MYO3B: variants seen among roughly 807,000 people sequenced by gnomAD.
The protein encoded by MYO3B is myosin-IIIb.
In MYO3B, 156 loss-of-function variants were observed where a neutral mutation model predicts 174.6. That is an observed-to-expected ratio of 0.89 (90% confidence interval 0.78 to 1.02). The LOEUF (loss-of-function observed/expected upper bound fraction) is 1.02, where lower values mean the gene tolerates loss of function less well. MYO3B is among the 50% of genes least tolerant of loss of function. The pLI is 0.00. For missense variants in MYO3B, 1,632 were observed against 1,639.4 expected (o/e 1.00, Z 0.08); for synonymous variants, 563 against 569.1 (o/e 0.99, Z 0.15).
Position 170,653,345 on chromosome 2 carries a change from C to T in MYO3B, c.*224C>T. 1 of 560,360 alleles carries T rather than the reference C, an allele frequency of 1.8e-6. No homozygotes were observed. The highest frequency in any genetic ancestry group is 3.1e-6 in the Non-Finnish European group (1 of 318,416). 34.7% of individuals were successfully genotyped at this position (560,360 alleles called of 1,614,324 possible). Reference sequence around the variant, plus strand: ...TGAGCTGGGCGCTGCCTTCCTTTCTCATCCCATGGGGCCCTGTGGGACACT... The same window carrying T: ...TGAGCTGGGCGCTGCCTTCCTTTCTTATCCCATGGGGCCCTGTGGGACACT... On this transcript the variant is annotated 3_prime_UTR_variant, in exon 35 of 35. Transcript: ENST00000408978.
chr2:170,241,609 G>T (rs988085527), intron 7 of MYO3B, among the ~76,000 whole-genome samples: 16 of 152,182 alleles, frequency 1.1e-4, no homozygotes, highest in Non-Finnish European at 1.6e-4. Flanking sequence ...AACGGAGAGA[G>T]TTTGGATAAC....
chr2:170,192,572 TTTA>T (rs1209139672), intron 1 of MYO3B, among the ~76,000 whole-genome samples: 2 of 151,290 alleles, frequency 1.3e-5, no homozygotes, highest in Admixed American at 6.6e-5. Flanking sequence ...AATTTCTGCT[TTTA>T]TTTTTTCTTC....
intron 32 of MYO3B, among the ~76,000 whole-genome samples, chr2:170,590,980 A>T (rs1345283754): frequency 6.6e-6 from 1 of 152,168 alleles, no homozygotes; most frequent in Admixed American, 6.5e-5. Context: ...GAGGCCACAG[A>T]CTTCTGCTAA....
At chr2:170,313,108 T>C (rs1559379388) in intron 7 of MYO3B, among the ~76,000 whole-genome samples, 1 of 152,232 alleles carries the variant, frequency 6.6e-6, no homozygotes, top group Non-Finnish European at 1.5e-5. Context: ...TCTAAATTTG[T>C]GATTTTTTTG....
intron 32 of MYO3B, chr2:170,601,514 G>A: frequency 1.2e-6 from 1 of 839,684 alleles, no homozygotes; most frequent in Non-Finnish European, 1.8e-6. Context: ...ATCTTACACA[G>A]CCTTACATTT....
At chr2:170,211,525 G>A (rs959341715) in intron 3 of MYO3B, among the ~76,000 whole-genome samples, 3 of 151,822 alleles carry the variant, frequency 2.0e-5, no homozygotes, top group Non-Finnish European at 4.4e-5. Context: ...TTTTCGAAGG[G>A]GATAAGGGTA....
At chr2:170,278,946 T>C (rs1233650531) in intron 7 of MYO3B, among the ~76,000 whole-genome samples, 1 of 152,202 alleles carries the variant, frequency 6.6e-6, no homozygotes, top group African/African-American at 2.4e-5. Flanking sequence ...CTACTGCAAG[T>C]GACAGGATTT....
chr2:170,226,194 C>T (rs1301978610), intron 6 of MYO3B, among the ~76,000 whole-genome samples: 4 of 152,094 alleles, frequency 2.6e-5, no homozygotes, highest in East Asian at 1.9e-4. Flanking sequence ...CCCTGTCTGC[C>T]GGTCATATCA....
chr2:170,329,651 C>T (rs2093897870), intron 7 of MYO3B, among the ~76,000 whole-genome samples: 1 of 151,856 alleles, frequency 6.6e-6, no homozygotes, highest in African/African-American at 2.4e-5. Flanking sequence ...GCCTTGGCCT[C>T]CCAAAGTGCT....
chr2:170,296,220 C>G (rs1446177517), intron 7 of MYO3B, among the ~76,000 whole-genome samples: 1 of 152,150 alleles, frequency 6.6e-6, no homozygotes, highest in African/African-American at 2.4e-5. Context: ...GGATCATGCG[C>G]TGAGAGAGCT....
intron 25 of MYO3B, among the ~76,000 whole-genome samples, chr2:170,488,721 A>G (rs1191606916): frequency 6.6e-6 from 1 of 152,212 alleles, no homozygotes; most frequent in Non-Finnish European, 1.5e-5. Context: ...CAGGCTGGAC[A>G]GAATTTACAT....
intron 16 of MYO3B, 120 bp from the exon 17 acceptor site, chr2:170,400,068 G>A: frequency 1.5e-6 from 2 of 1,326,596 alleles, no homozygotes; most frequent in South Asian, 1.4e-5. Context: ...TTTGCTGTGT[G>A]TCCAGGAAAA....
In MYO3B at chr2:170,514,959, G is replaced by T; in HGVS notation, c.3409G>T (p.Val1137Phe). Residue 1137 changes from valine (V) to phenylalanine (F), a missense_variant, in exon 29 of 35, where the codon GTC becomes TTC. By Grantham distance (50) the Val-to-Phe change is conservative. Coordinates refer to ENST00000408978, the MANE Select transcript of MYO3B (RefSeq NM_138995.5). The part of the protein sequence containing the change: ...SNQSSGPHSP[V>F]AAGTRGSAEV... ...CCAAAGCAGTGGGCCACATTCCCCC[G>T]TCGCAGCAGGTACGAGGGGAAGTGC... 2.5e-6 allele frequency: 4 copies of T among 1,613,788 alleles called. No homozygotes were observed. Among genetic ancestry groups the T allele is most frequent in the Non-Finnish European group, 3.4e-6 (4 of 1,179,838 alleles).
rs762771307 is a variant in MYO3B at position 170,400,234 on chromosome 2, GGAACATTGA to G, written c.1840_1848del (p.Asn614_Glu616del). On this transcript the variant is annotated inframe_deletion, in exon 17 of 35. Coordinates refer to ENST00000408978, the MANE Select transcript of MYO3B (RefSeq NM_138995.5). ...ATTTTGGCTGGGATTTTGAATATTG[GGAACATTGA>G]GTTCGCAGCTATTTCCTCTCAACAT... The G allele has an allele frequency of 2.6e-5, 42 of 1,613,728 alleles. No homozygotes were observed. The highest frequency in any genetic ancestry group is 2.8e-5 in the Non-Finnish European group (33 of 1,179,960).
chr2:170,236,122 C>T lies in MYO3B; in HGVS notation c.735C>T (p.Leu245=). ...PLFDMHPVKT[L]FKIPRNPPPT... ...TTGACATGCATCCTGTGAAAACACT[C>T]TTTAAGATTCCAAGGTAAGACACAA... The change falls in exon 7 of 35, where the codon CTC becomes CTT. Residue 245 remains leucine, a synonymous_variant. Transcript: ENST00000408978. The T allele has an allele frequency of 1.2e-6, 2 of 1,614,180 alleles. No individual in the cohort carries two copies. Among genetic ancestry groups the T allele is most frequent in the Non-Finnish European group, 1.7e-6 (2 of 1,180,030 alleles).
chr2:170,391,807 A>G (rs2094413836), intron 15 of MYO3B, among the ~76,000 whole-genome samples, 189 bp downstream of exon 15: 1 of 152,124 alleles, frequency 6.6e-6, no homozygotes, highest in South Asian at 2.1e-4. Context: ...TCAACTGCAC[A>G]TGGTTTATTT....
rs549453360 is a variant in MYO3B at position 170,249,207 on chromosome 2, C to G, written c.749+13071C>G. Among the ~76,000 whole-genome samples the G allele has an allele frequency of 1.1e-4, 16 of 152,360 alleles. No individual in the cohort carries two copies. In the South Asian group the frequency reaches 3.3e-3, roughly 32 times the overall value. ...ATTCTCTGCCACTTAGGTCCCTGAG[C>G]AACTCTGCTTGTGGCCAGAGCCTCA... is the stretch of plus-strand genomic sequence containing the variant. On this transcript the variant is annotated intron_variant, in intron 7 of 34. Transcript: ENST00000408978.
At chr2:170,438,440 TACTC>T (rs886123674) in intron 22 of MYO3B, among the ~76,000 whole-genome samples, 2 of 152,150 alleles carry the variant, frequency 1.3e-5, no homozygotes, top group Non-Finnish European at 2.9e-5. Context: ...TTTAGGTAAA[TACTC>T]AGAAGAGGGA....
chr2:170,401,646 T>C lies in MYO3B; in HGVS notation c.2084T>C (p.Ile695Thr). 6.2e-7 allele frequency: 1 copy of C among 1,614,058 alleles called. No individual in the cohort carries two copies. Among genetic ancestry groups the C allele is most frequent in the Non-Finnish European group, 8.5e-7 (1 of 1,180,018 alleles). The change falls in exon 18 of 35, where the codon ATT (isoleucine) becomes ACT (threonine). Residue 695 changes from isoleucine (I) to threonine (T), a missense_variant. Physicochemically the swap from Ile to Thr is moderately conservative, Grantham distance 89 (BLOSUM62 -1). Transcript: ENST00000408978. ...CTGTATGGGAGGCTCTTCAGCTGGA[T>C]TGTGAATCGCATTAATACACTCCTG... is the stretch of plus-strand genomic sequence containing the variant. Reference protein sequence around the residue: ...KALYGRLFSWIVNRINTLLQP... With the variant: ...KALYGRLFSWTVNRINTLLQP...
Sources: gnomAD v4.1 joint callset for allele counts (sites outside exome capture counted in the v4.1 genomes callset) on GRCh38, gnomAD v4.1.1 for gene constraint, MANE v1.5 for transcripts, NCBI Gene and HGNC (gene_info 2026-07-23, HGNC 2026-07-21) for gene names.